The following CELF2 variants were observed in gnomAD, a reference collection of about 807,000 sequenced individuals.
The protein encoded by CELF2 is CUG triplet repeat RNA-binding protein 2.
In CELF2, 8 loss-of-function variants were observed where a neutral mutation model predicts 62.6. The ratio of observed to expected loss-of-function variants is 0.13; its 90% CI spans 0.07 to 0.23. The LOEUF is 0.23. Among genes scored for constraint, CELF2 ranks in the 10% least tolerant of loss-of-function variants. CELF2 has a pLI of 1.00. For synonymous variants in CELF2, 258 were observed against 250.0 expected, an observed-to-expected ratio of 1.03 and a Z score of -0.30; for missense variants, 333 against 671.0, an observed-to-expected ratio of 0.50 and a Z score of 5.56.
chr10:10,609,452 G>A, the CELF2 span, among the ~76,000 whole-genome samples: 112 of 152,240 alleles, frequency 7.4e-4, no homozygotes, highest in Non-Finnish European at 3.5e-4. Context: ...GAATACCACC[G>A]CGCGTGCACA....
rs996239605 is a variant in CELF2 at position 11,012,127 on chromosome 10, T to C, written c.53+6687T>C. ...CAGAAAATTAAATGACTCATTCCCA[T>C]TGTCAATCAACTCTTTGACAGAATG... On this transcript the variant is annotated intron_variant, in intron 1 of 12. Coordinates refer to the CELF2 transcript ENST00000416382. This position sits in a 1 kb window ranked among gnomAD's most constrained non-coding sequence, Gnocchi z 5.5. Among the ~76,000 whole-genome samples, 1 of 152,188 alleles carries C rather than the reference T, an allele frequency of 6.6e-6. No homozygotes were observed. Among genetic ancestry groups the C allele is most frequent in the Non-Finnish European group, 1.5e-5 (1 of 68,012 alleles).
At chr10:11,239,976 C>T (rs1490511131) in intron 3 of CELF2, among the ~76,000 whole-genome samples, 1 of 152,148 alleles carries the variant, frequency 6.6e-6, no homozygotes, top group Non-Finnish European at 1.5e-5. Context: ...TCGCTTGAAC[C>T]GAGAGGCAGA....
chr10:11,244,212 G>A lies in CELF2; in HGVS notation c.355-4941G>A, dbSNP rs894240152. On this transcript the variant is annotated intron_variant, in intron 3 of 12. Transcript: ENST00000633077. This position sits in a 1 kb window ranked among gnomAD's most constrained non-coding sequence, Gnocchi z 4.2. ...GCTCAGGGTGTGGCCACTGGCTGCC[G>A]CCTGTCCTGGCACCTAGGGAAGATT... is the stretch of plus-strand genomic sequence containing the variant. Among the ~76,000 whole-genome samples, 7 of 152,246 alleles carry A rather than the reference G, an allele frequency of 4.6e-5. No homozygotes were observed. Among genetic ancestry groups the A allele is most frequent in the Admixed American group, 2.0e-4 (3 of 15,290 alleles).
At chr10:10,760,508 C>T in the CELF2 span, among the ~76,000 whole-genome samples, 2 of 152,244 alleles carry the variant, frequency 1.3e-5, no homozygotes, top group Non-Finnish European at 2.9e-5. Context: ...AAGCAAGTCA[C>T]GTCGATACAG....
the CELF2 span, among the ~76,000 whole-genome samples, chr10:10,696,793 T>C: frequency 1.3e-5 from 2 of 152,222 alleles, no homozygotes; most frequent in African/African-American, 4.8e-5. Context: ...CCCCTTTCTT[T>C]GACCCCTTGC....
intron 1 of CELF2, among the ~76,000 whole-genome samples, chr10:10,895,506 C>G (rs1373128713): frequency 1.3e-5 from 2 of 152,000 alleles, no homozygotes; most frequent in Non-Finnish European, 2.9e-5. Flanking sequence ...AAAGAAGGAC[C>G]AGTAGTTGAT....
chr10:11,041,392 C>G (rs2061823497), intron 1 of CELF2, among the ~76,000 whole-genome samples: 1 of 152,152 alleles, frequency 6.6e-6, no homozygotes, highest in African/African-American at 2.4e-5. Flanking sequence ...AATGGTAGTA[C>G]AGTATCGAAA....
chr10:10,820,336 C>G (rs2131954577), intron 1 of CELF2, among the ~76,000 whole-genome samples: 2 of 152,336 alleles, frequency 1.3e-5, no homozygotes, highest in Middle Eastern at 6.8e-3. Flanking sequence ...TTGTCCTGCA[C>G]AGAATTCATT....
chr10:10,492,680 C>G, the CELF2 span, among the ~76,000 whole-genome samples: 1 of 152,246 alleles, frequency 6.6e-6, no homozygotes, highest in South Asian at 2.1e-4. Flanking sequence ...AAGTGACCAC[C>G]ATAAACAAAA....
At chr10:10,583,929 T>A in the CELF2 span, among the ~76,000 whole-genome samples, 2 of 152,132 alleles carry the variant, frequency 1.3e-5, no homozygotes, top group South Asian at 4.1e-4. Context: ...CCAAGAGCAC[T>A]AGGTTGGAAA....
At chr10:11,186,748 A>C (rs1234985889) in intron 2 of CELF2, among the ~76,000 whole-genome samples, 1 of 152,216 alleles carries the variant, frequency 6.6e-6, no homozygotes, top group Non-Finnish European at 1.5e-5. Flanking sequence ...GGGATGCTCA[A>C]CCAGTAAGTA....
At chr10:11,279,393 G>A (rs923397165) in intron 8 of CELF2, among the ~76,000 whole-genome samples, 12 of 152,166 alleles carry the variant, frequency 7.9e-5, no homozygotes, top group South Asian at 4.1e-4. Flanking sequence ...AGCACGAGTG[G>A]AGAGGAGGGA....
intron 2 of CELF2, among the ~76,000 whole-genome samples, chr10:10,939,398 G>T (rs1347247928): frequency 6.6e-6 from 1 of 151,964 alleles, no homozygotes; most frequent in African/African-American, 2.4e-5. Flanking sequence ...CGATTCTCTT[G>T]CCTCAGCCTC....
At chr10:10,686,788 A>G in the CELF2 span, among the ~76,000 whole-genome samples, 2 of 152,098 alleles carry the variant, frequency 1.3e-5, no homozygotes, top group African/African-American at 2.4e-5. Flanking sequence ...CCAGTCTCAG[A>G]TGTGTCTTCA....
At chr10:10,548,253 A>AT in the CELF2 span, among the ~76,000 whole-genome samples, 1 of 152,136 alleles carries the variant, frequency 6.6e-6, no homozygotes, top group African/African-American at 2.4e-5. Flanking sequence ...TAAATCATTC[A>AT]TTGTCGAGCT....
the CELF2 span, among the ~76,000 whole-genome samples, chr10:10,660,650 T>C: frequency 6.6e-6 from 1 of 152,242 alleles, no homozygotes; most frequent in Admixed American, 6.5e-5. Context: ...TTTTTCTTTA[T>C]ATTCCCTAGC....
intron 1 of CELF2, among the ~76,000 whole-genome samples, chr10:10,853,654 C>T (rs1291240698): frequency 6.6e-6 from 1 of 151,856 alleles, no homozygotes; most frequent in African/African-American, 2.4e-5. Context: ...AAAAAAAGCC[C>T]CCTTATTGCG....
At chr10:11,107,440 A>G (rs1284960686) in intron 1 of CELF2, among the ~76,000 whole-genome samples, 1 of 152,124 alleles carries the variant, frequency 6.6e-6, no homozygotes, top group African/African-American at 2.4e-5. Flanking sequence ...TGCGGTCTGT[A>G]GAGTTTGGCC....
chr10:11,136,683 G>A (rs2060489225), intron 1 of CELF2, among the ~76,000 whole-genome samples: 1 of 152,278 alleles, frequency 6.6e-6, no homozygotes, highest in South Asian at 2.1e-4. Context: ...CTGGTTAATT[G>A]CTAAGTGAGT....
Sources: allele counts gnomAD v4.1 joint callset (sites outside exome capture counted in the v4.1 genomes callset), GRCh38; gene constraint gnomAD v4.1.1; non-coding constraint Gnocchi (gnomAD v3.1); transcripts MANE v1.5; gene names NCBI Gene and HGNC (gene_info 2026-07-23, HGNC 2026-07-21).